Variants in CRPPA observed in about 807,000 individuals in gnomAD.
The protein encoded by CRPPA is CDP-L-ribitol pyrophosphorylase A, also known as D-ribitol-5-phosphate cytidylyltransferase.
In CRPPA, 43 loss-of-function variants were observed where a neutral mutation model predicts 52.0. The ratio of observed to expected loss-of-function variants is 0.83; its 90% CI spans 0.65 to 1.07. CRPPA has a LOEUF of 1.07. Among genes scored for constraint, CRPPA ranks in the 50% least tolerant of loss-of-function variants. The probability of loss-of-function intolerance (pLI) is 0.00; values close to 1 mark genes in which losing one functional copy is unlikely to be tolerated. For synonymous variants in CRPPA, 250 were observed against 203.5 expected (o/e 1.23, Z -1.94); for missense variants, 629 against 551.7 (o/e 1.14, Z -1.40).
At chr7:16,211,346 G>GA (rs1391760322) in intron 9 of CRPPA, among the ~76,000 whole-genome samples, 1 of 152,100 alleles carries the variant, frequency 6.6e-6, no homozygotes, top group Non-Finnish European at 1.5e-5. Flanking sequence ...TATTGAAAGT[G>GA]AAAAATATCT....
In CRPPA at chr7:16,215,895, A is replaced by AT. The variant is rs1562562724; in HGVS notation, c.1251+170dup. Among the ~76,000 whole-genome samples the AT allele has an allele frequency of 7.2e-5, 11 of 152,202 alleles. 1 individual carries two copies. In the South Asian group the frequency reaches 2.1e-3, roughly 29 times the overall value. ...AATGCTAATAGTTTTATTGGTTTCT[A>AT]TTTTTTTCCTAGAGGCAAGAGGTTC... On this transcript the variant is annotated intron_variant, in intron 9 of 9. Transcript: ENST00000407010.
chr7:16,138,472 A>G (rs1412313094), intron 9 of CRPPA, among the ~76,000 whole-genome samples: 3 of 152,176 alleles, frequency 2.0e-5, no homozygotes, highest in Non-Finnish European at 2.9e-5. Flanking sequence ...TGAACATGAG[A>G]GGATATCCAA....
At chr7:16,237,460 A>G (rs1178902588) in intron 8 of CRPPA, 1 of 152,112 alleles carries the variant, frequency 6.6e-6, no homozygotes, top group Non-Finnish European at 1.5e-5. Flanking sequence ...AATCTCATTG[A>G]TGAGGGCTCT....
At chr7:16,118,126 G>T (rs1782414264) in intron 9 of CRPPA, among the ~76,000 whole-genome samples, 1 of 152,142 alleles carries the variant, frequency 6.6e-6, no homozygotes, top group Non-Finnish European at 1.5e-5. Flanking sequence ...TACTTACAAG[G>T]TCTCGGCTCC....
chr7:16,225,737 T>TA (rs980205380), intron 8 of CRPPA, among the ~76,000 whole-genome samples: 3 of 151,862 alleles, frequency 2.0e-5, no homozygotes, highest in African/African-American at 4.8e-5. Flanking sequence ...GTCATTTTTT[T>TA]AAAAAAATAC....
chr7:16,252,186 T>G (rs557749425), intron 8 of CRPPA, among the ~76,000 whole-genome samples: 1 of 152,100 alleles, frequency 6.6e-6, no homozygotes. Flanking sequence ...CAGCAGCACA[T>G]CAAAAAGCCT....
At chr7:16,280,971 G>T (rs1410635357) in intron 5 of CRPPA, among the ~76,000 whole-genome samples, 1 of 152,142 alleles carries the variant, frequency 6.6e-6, no homozygotes, top group Admixed American at 6.5e-5. Context: ...ACTGAGCCAA[G>T]ATCACGCCAC....
chr7:16,250,039 G>C (rs1783401494), intron 8 of CRPPA, among the ~76,000 whole-genome samples: 1 of 152,176 alleles, frequency 6.6e-6, no homozygotes, highest in Admixed American at 6.5e-5. Flanking sequence ...GAATATAAAA[G>C]ACCTGGTACA....
intron 9 of CRPPA, among the ~76,000 whole-genome samples, chr7:16,096,187 T>G (rs1421391189): frequency 6.6e-6 from 1 of 151,986 alleles, no homozygotes. Context: ...TAGAGGACAT[T>G]AAAATAATCT....
chr7:16,320,089 A>G (rs973868998), intron 3 of CRPPA, among the ~76,000 whole-genome samples: 5 of 152,020 alleles, frequency 3.3e-5, no homozygotes, highest in Non-Finnish European at 7.4e-5. Context: ...TTCATTTGTC[A>G]TTGTCACCTC....
intron 3 of CRPPA, among the ~76,000 whole-genome samples, chr7:16,350,300 T>C (rs1423247360): frequency 6.6e-6 from 1 of 152,076 alleles, no homozygotes; most frequent in East Asian, 1.9e-4. Flanking sequence ...TGAAAACATA[T>C]GACTACATAA....
chr7:16,217,124 TCCCTGAC>T (rs1782348680), intron 8 of CRPPA, among the ~76,000 whole-genome samples: 1 of 148,446 alleles, frequency 6.7e-6, no homozygotes, highest in South Asian at 2.2e-4. Flanking sequence ...CTCAAGTGGG[TCCCTGAC>T]CCCTGACCCC....
chr7:16,314,288 C>T (rs1484466861), intron 3 of CRPPA, among the ~76,000 whole-genome samples: 3 of 151,966 alleles, frequency 2.0e-5, no homozygotes, highest in Non-Finnish European at 4.4e-5. Context: ...TTGCAATATA[C>T]TTTTACAACT....
Position 16,089,573 on chromosome 7 carries a change from ATG to A in CRPPA, c.*2120_*2121del, listed in dbSNP as rs1583347343. The A allele has an allele frequency of 1.3e-5, 3 of 235,116 alleles. No homozygotes were observed. The highest frequency in any genetic ancestry group is 4.3e-5 in the Admixed American group (1 of 23,144). The allele number at this position is 235,116 out of a possible 1,614,324, so 14.6% of individuals were successfully genotyped here. ...TATACATGTAAGTATATACATATAT[ATG>A]GGTATACATGCATGTATATACATAT... On this transcript the variant is annotated 3_prime_UTR_variant, in exon 10 of 10. Transcript: ENST00000407010.
intron 8 of CRPPA, among the ~76,000 whole-genome samples, chr7:16,254,790 AAGG>A (rs1388735183): frequency 1.6e-5 from 2 of 128,682 alleles, no homozygotes; most frequent in African/African-American, 5.8e-5. Context: ...AGAAAGAAAG[AAGG>A]AAAGAAAGAA....
chr7:16,312,340 GATTTATGCCCAAGTATC>G (rs1411337205), intron 3 of CRPPA, among the ~76,000 whole-genome samples: 1 of 151,910 alleles, frequency 6.6e-6, no homozygotes, highest in Non-Finnish European at 1.5e-5. Context: ...CATTTTGTTA[GATTTATGCCCAAGTATC>G]ATTTTGGGGG....
rs765005404 is a variant in CRPPA at position 16,254,851 on chromosome 7, G to GAAGA, written c.1119+3535_1119+3538dup. 5.0e-3 allele frequency among the ~76,000 whole-genome samples: 701 copies of GAAGA among 139,236 alleles called. 5 individuals carry two copies. Among genetic ancestry groups the GAAGA allele is most frequent in the South Asian group, 9.7e-3 (42 of 4,332 alleles). 91.3% of individuals were successfully genotyped at this position (139,236 alleles called of 152,430 possible). A position where few individuals can be genotyped will look rare whatever the true frequency, so the allele number is the denominator to read the frequency against. On this transcript the variant is annotated intron_variant, in intron 8 of 9. Transcript: ENST00000407010. ...AAAGAAAGAAAGAAAGAAAGAGAAA[G>GAAGA]AAGAAAGAAAGAAAGAAAGAGGCAG...
rs897959214 is a variant in CRPPA, at chr7:16,254,348, T to C, written c.1119+4042A>G. Among the ~76,000 whole-genome samples the C allele has an allele frequency of 2.6e-5, 4 of 151,864 alleles. No individual in the cohort carries two copies. The South Asian group carries it at 8.3e-4, about 32-fold the overall frequency. On this transcript the variant is annotated intron_variant, in intron 8 of 9. Transcript: ENST00000407010. ...GACCTGGAACCAACCCAAATGCCCA[T>C]CAACGATAGACTGGATTAAGAAAAT... is the stretch of plus-strand genomic sequence containing the variant.
intron 9 of CRPPA, among the ~76,000 whole-genome samples, chr7:16,124,395 T>C (rs1782536397): frequency 6.6e-6 from 1 of 152,178 alleles, no homozygotes; most frequent in Admixed American, 6.5e-5. Context: ...GGATACTATT[T>C]AGCCATAAAA....
Sources: gnomAD v4.1 joint callset for allele counts (sites outside exome capture counted in the v4.1 genomes callset) on GRCh38, gnomAD v4.1.1 for gene constraint, MANE v1.5 for transcripts, NCBI Gene and HGNC (gene_info 2026-07-23, HGNC 2026-07-21) for gene names.